The following AASS variants were observed in gnomAD, a reference collection of about 807,000 sequenced individuals.
The protein encoded by AASS is aminoadipate-semialdehyde synthase, also known as alpha-aminoadipic semialdehyde synthase, mitochondrial.
Under a neutral mutation model 105.4 loss-of-function variants are expected in AASS, and 86 were observed. That is an observed-to-expected ratio of 0.82 (90% CI 0.69 to 0.98). The LOEUF (loss-of-function observed/expected upper bound fraction) is 0.98. Ranked by LOEUF, AASS falls within the 50% of genes least tolerant of loss-of-function variation. The pLI, the probability that AASS is intolerant of heterozygous loss-of-function variation, is 0.00. For missense variants in AASS, 1,048 were observed against 1,143.2 expected (o/e 0.92, Z 1.20); for synonymous variants, 381 against 394.8 (o/e 0.96, Z 0.41).
At chr7:122,103,981 GA>G (rs1448806487) in intron 11 of AASS, among the ~76,000 whole-genome samples, 12 of 151,890 alleles carry the variant, frequency 7.9e-5, no homozygotes, top group African/African-American at 2.9e-4. Context: ...AAAGATAAAA[GA>G]ATACAAATTT....
intron 1 of AASS, among the ~76,000 whole-genome samples, 168 bp downstream of exon 1, chr7:122,143,993 T>C (rs1383272386): frequency 6.6e-6 from 1 of 152,092 alleles, no homozygotes; most frequent in Non-Finnish European, 1.5e-5. Context: ...GCCTTCTCCC[T>C]CTCTCGGCCC....
intron 11 of AASS, among the ~76,000 whole-genome samples, chr7:122,102,081 A>G (rs940972781): frequency 1.3e-5 from 2 of 151,898 alleles, no homozygotes; most frequent in African/African-American, 4.8e-5. Context: ...TTAGGAATAG[A>G]GAATGAGGTT....
Position 122,101,423 on chromosome 7 carries a change from T to C in AASS, c.1354A>G (p.Asn452Asp), listed in dbSNP as rs779610441. 43 of 1,610,564 alleles carry C rather than the reference T, an allele frequency of 2.7e-5. No homozygotes were observed. Among genetic ancestry groups the C allele is most frequent in the Non-Finnish European group, 3.4e-5 (40 of 1,177,432 alleles). The change falls in exon 13 of 24, where the codon AAC becomes GAC. Residue 452 changes from asparagine to aspartate, a missense_variant. Coordinates refer to ENST00000417368, the MANE Select transcript of AASS (RefSeq NM_005763.4). ...TTATATTTATCAGGTAATGTACCGT[T>C]GGATGTAATCACTGCCTAAATGTAT... ...PVVRDAVITS[N>D]GTLPDKYKYI... is the part of the protein sequence containing the mutation.
In AASS at chr7:122,113,608, T is replaced by C. The variant is rs1390436710; in HGVS notation, c.1156A>G (p.Ile386Val). The change falls in exon 10 of 24, where the codon ATT becomes GTT. Residue 386 changes from isoleucine to valine, a missense_variant. Transcript: ENST00000417368. ...FCMYDADQHI[I>V]HDSVEGSGIL... ...CTTTAGCAAACTCACCTGTCATGAATAATATGCTGGTCTGCATCATACATG... is the reference window on the plus strand; with the variant it reads ...CTTTAGCAAACTCACCTGTCATGAACAATATGCTGGTCTGCATCATACATG... The C allele has an allele frequency of 6.2e-7, 1 of 1,613,526 alleles. No homozygotes were observed. The highest frequency in any genetic ancestry group is 8.5e-7 in the Non-Finnish European group (1 of 1,179,916).
At chr7:122,086,398 T>C (rs942369592) in intron 18 of AASS, among the ~76,000 whole-genome samples, 1 of 152,108 alleles carries the variant, frequency 6.6e-6, no homozygotes, top group Non-Finnish European at 1.5e-5. Context: ...TTAAAACATT[T>C]AGTTTTTCTA....
intron 1 of AASS, among the ~76,000 whole-genome samples, chr7:122,135,462 G>A (rs1486196430): frequency 2.0e-5 from 3 of 152,038 alleles, no homozygotes; most frequent in Non-Finnish European, 2.9e-5. Flanking sequence ...GTCTGCTGTT[G>A]TATTAAACCC....
chr7:122,090,859 C>A (rs796406738), intron 18 of AASS, among the ~76,000 whole-genome samples: 2 of 152,076 alleles, frequency 1.3e-5, no homozygotes, highest in African/African-American at 4.8e-5. Flanking sequence ...GTGCTAACAT[C>A]CCTGCCTAGC....
chr7:122,097,199 A>G (rs1365377210), intron 15 of AASS, among the ~76,000 whole-genome samples: 1 of 151,870 alleles, frequency 6.6e-6, no homozygotes, highest in Non-Finnish European at 1.5e-5. Flanking sequence ...TTAAAGCAGA[A>G]CATCACAGAA....
chr7:122,109,335 A>G (rs1794824720), intron 11 of AASS, among the ~76,000 whole-genome samples: 1 of 151,890 alleles, frequency 6.6e-6, no homozygotes, highest in Non-Finnish European at 1.5e-5. Context: ...AAGACCCCAA[A>G]TCGTCACACA....
At chr7:122,125,905 G>A (rs1006222657) in intron 4 of AASS, among the ~76,000 whole-genome samples, 3 of 152,134 alleles carry the variant, frequency 2.0e-5, no homozygotes, top group African/African-American at 7.2e-5. Context: ...AAATAGTACC[G>A]AAGTCATGAC....
At position 122,115,223 on chromosome 7, in the gene AASS, C is replaced by A. The variant is rs765122059; in HGVS notation, c.895-1G>T. ...TTAAGCAAGTTGTATAGGGTGCAAT[C>A]TGTAATGCAAGTTCCAGGTTCAAGA... On this transcript the variant is annotated splice_acceptor_variant, in intron 8 of 23. Coordinates refer to ENST00000417368, the MANE Select transcript of AASS (RefSeq NM_005763.4). LOFTEE classifies it high-confidence loss of function. The A allele has an allele frequency of 6.2e-7, 1 of 1,614,002 alleles. No homozygotes were observed. The highest frequency in any genetic ancestry group is 2.2e-5 in the East Asian group (1 of 44,852).
chr7:122,107,744 T>C (rs1437338708), intron 11 of AASS, among the ~76,000 whole-genome samples: 1 of 151,818 alleles, frequency 6.6e-6, no homozygotes, highest in Non-Finnish European at 1.5e-5. Context: ...ACTGGGGCCT[T>C]CCTGAGGGAG....
At chr7:122,088,951 G>C (rs1418470921) in intron 18 of AASS, among the ~76,000 whole-genome samples, 1 of 152,084 alleles carries the variant, frequency 6.6e-6, no homozygotes, top group Non-Finnish European at 1.5e-5. Flanking sequence ...TTAGAAGTTA[G>C]AAATAGTACA....
In AASS at chr7:122,132,147, T is replaced by C. The variant is rs183529235; in HGVS notation, c.210+1370A>G. ...TTCATCTTGTCAACATGAAGATGTA[T>C]ATATAAACTCCTCATAACAAGGCTT... is the stretch of plus-strand genomic sequence containing the variant. On this transcript the variant is annotated intron_variant, in intron 2 of 23. Coordinates refer to ENST00000417368, the MANE Select transcript of AASS (RefSeq NM_005763.4). Among the ~76,000 whole-genome samples, 14 of 152,254 alleles carry C rather than the reference T, an allele frequency of 9.2e-5. No homozygotes were observed. The East Asian group carries it at 2.7e-3, about 29-fold the overall frequency.
At chr7:122,140,282 G>A (rs900735346) in intron 1 of AASS, among the ~76,000 whole-genome samples, 1 of 151,594 alleles carries the variant, frequency 6.6e-6, no homozygotes, top group Non-Finnish European at 1.5e-5. Context: ...TCAGGAGGTC[G>A]AGACCGTCCT....
intron 2 of AASS, among the ~76,000 whole-genome samples, chr7:122,133,119 C>G (rs1189891869): frequency 6.6e-6 from 1 of 152,016 alleles, no homozygotes; most frequent in East Asian, 1.9e-4. Context: ...GAAAAGTATA[C>G]ATATATATGT....
In AASS at chr7:122,077,891, A is replaced by G. The variant is rs759400940; in HGVS notation, c.2609T>C (p.Met870Thr). Reference protein sequence around the residue: ...AYGDINGFSAMAKTVGLPTAM... With the variant: ...AYGDINGFSATAKTVGLPTAM... ...GGTGGGTAACCCCACGGTTTTAGCCATGGCTGAAAAGCCATTGATGTCCCC... is the reference window on the plus strand; with the variant it reads ...GGTGGGTAACCCCACGGTTTTAGCCGTGGCTGAAAAGCCATTGATGTCCCC... The change falls in exon 23 of 24, where the codon ATG becomes ACG. Residue 870 changes from methionine to threonine, a missense_variant. Coordinates refer to ENST00000417368, the MANE Select transcript of AASS (RefSeq NM_005763.4). 3.7e-6 allele frequency: 6 copies of G among 1,614,208 alleles called. No individual in the cohort carries two copies. In the African/African-American group the frequency reaches 4.0e-5, roughly 11 times the overall value.
chr7:122,086,129 C>T lies in AASS; in HGVS notation c.2067G>A (p.Met689Ile), dbSNP rs762722215. ...CCAAATTTAATCCTGGAAAAAAATC[C>T]ATGGACGTAACGGCATCAAGAAAGG... is the stretch of plus-strand genomic sequence containing the variant. ...GISFLDAVTS[M>I]DFFPGLNLEG... is the part of the protein sequence containing the mutation. The change falls in exon 19 of 24, where the codon ATG becomes ATA. Residue 689 changes from methionine (M) to isoleucine (I), a missense_variant. Transcript: ENST00000417368. 1.2e-6 allele frequency: 2 copies of T among 1,613,486 alleles called. No individual in the cohort carries two copies. Among genetic ancestry groups the T allele is most frequent in the African/African-American group, 1.3e-5 (1 of 74,942 alleles).
chr7:122,079,075 T>C, intron 21 of AASS, 125 bp from the exon 22 acceptor site: 1 of 1,577,126 alleles, frequency 6.3e-7, no homozygotes. Context: ...ACTCAAGTTG[T>C]AGGATTCTCC....
Sources: gnomAD v4.1 joint callset for allele counts (sites outside exome capture counted in the v4.1 genomes callset) on GRCh38, gnomAD v4.1.1 for gene constraint, MANE v1.5 for transcripts, NCBI Gene and HGNC (gene_info 2026-07-23, HGNC 2026-07-21) for gene names.